Variants in ANO6 observed in about 807,000 individuals in gnomAD.
The protein encoded by ANO6 is anoctamin-6.
In ANO6, 106 loss-of-function variants were observed where a neutral mutation model predicts 117.5. That is an observed-to-expected ratio of 0.90 (90% CI 0.77 to 1.06). ANO6 has a LOEUF of 1.06. Among genes scored for constraint, ANO6 ranks in the 50% least tolerant of loss-of-function variants. ANO6 has a pLI of 0.00. For missense variants in ANO6, 955 were observed against 1,121.1 expected (o/e 0.85, Z 2.12); for synonymous variants, 367 against 385.1 (o/e 0.95, Z 0.55).
At chr12:45,290,582 T>C (rs1939062214) in intron 1 of ANO6, among the ~76,000 whole-genome samples, 1 of 152,160 alleles carries the variant, frequency 6.6e-6, no homozygotes, top group African/African-American at 2.4e-5. Context: ...GAAGCAATAG[T>C]AGTAGTGTTC....
At chr12:45,404,836 C>T (rs1228934521) in intron 15 of ANO6, among the ~76,000 whole-genome samples, 1 of 152,288 alleles carries the variant, frequency 6.6e-6, no homozygotes, top group South Asian at 2.1e-4. Context: ...CCATGTTGCC[C>T]TCTTGCCTCC....
intron 2 of ANO6, among the ~76,000 whole-genome samples, chr12:45,325,310 C>T (rs995231239): frequency 1.3e-5 from 2 of 152,120 alleles, no homozygotes; most frequent in African/African-American, 4.8e-5. Flanking sequence ...GATCATTATT[C>T]CTCAGGAGAC....
rs1943613851 is a variant in ANO6 at position 45,430,796 on chromosome 12, G to C, written c.*1485G>C. The C allele has an allele frequency of 4.1e-6, 4 of 985,360 alleles. No homozygotes were observed. Among genetic ancestry groups the C allele is most frequent in the Non-Finnish European group, 4.8e-6 (4 of 830,000 alleles). The allele number at this position is 985,360 out of a possible 1,614,324, so 61.0% of individuals were successfully genotyped here. A position where few individuals can be genotyped will look rare whatever the true frequency, so the allele number is the denominator to read the frequency against. On this transcript the variant is annotated 3_prime_UTR_variant, in exon 20 of 20. Transcript: ENST00000320560. ...TGCCTTGTAAGTGTCAGGCCTCCTG[G>C]GCGCTCTGGAAAAGACAGGGAGCCA...
In ANO6 at chr12:45,430,231, A is replaced by G. The variant is rs1943601094; in HGVS notation, c.*920A>G. On this transcript the variant is annotated 3_prime_UTR_variant, in exon 20 of 20. Coordinates refer to ENST00000320560, the MANE Select transcript of ANO6 (RefSeq NM_001025356.3). ...TTGTCTGGAAAAGATAAGCCCCTCA[A>G]TTTTCTACCAGTTGACTTTTATTCA... 2 of 985,394 alleles carry G rather than the reference A, an allele frequency of 2.0e-6. No homozygotes were observed. Among genetic ancestry groups the G allele is most frequent in the Non-Finnish European group, 1.2e-6 (1 of 829,918 alleles). The allele number at this position is 985,394 out of a possible 1,614,324, so 61.0% of individuals were successfully genotyped here. A position where few individuals can be genotyped will look rare whatever the true frequency, so the allele number is the denominator to read the frequency against.
rs113415310 is a variant in ANO6, at chr12:45,266,805, A to ATGT, written c.71-35209_71-35208insTGT. On this transcript the variant is annotated intron_variant, in intron 1 of 19. Transcript: ENST00000320560. The stretch of plus-strand genomic sequence containing the variant: ...GAACAAGACCCTGTCTCAAAAAACA[A>ATGT]GTGTGTGTGTGTGTGTGTGTGTGTG... Among the ~76,000 whole-genome samples the ATGT allele has an allele frequency of 1.7e-4, 25 of 145,766 alleles. 1 individual carries two copies. The South Asian group carries it at 5.6e-3, about 32-fold the overall frequency.
chr12:45,390,303 C>G (rs542751479), intron 11 of ANO6, 118 bp from the exon 12 acceptor site: 2 of 861,888 alleles, frequency 2.3e-6, no homozygotes, highest in South Asian at 2.8e-5. Context: ...AGTAAGGAGA[C>G]TATGCTTGCA....
At position 45,347,084 on chromosome 12, in the gene ANO6, A is replaced by T; in HGVS notation, c.342A>T (p.Arg114Ser). The T allele has an allele frequency of 6.2e-7, 1 of 1,614,010 alleles. No individual in the cohort carries two copies. The highest frequency in any genetic ancestry group is 8.5e-7 in the Non-Finnish European group (1 of 1,179,928). ...ATGGCCTGCAGTTAGAAGCAACAAG[A>T]TCAGTAAGTACTGGTCCCTTTTCAG... is the stretch of plus-strand genomic sequence containing the variant. ...ICHGLQLEATRSVLDDKLVFV... is the reference protein window; with the variant it reads ...ICHGLQLEATSSVLDDKLVFV... Residue 114 changes from arginine (R) to serine (S), a missense_variant, in exon 4 of 20, where the codon AGA (arginine) becomes AGT (serine). By Grantham distance (110) the Arg-to-Ser change is moderately radical. Coordinates refer to ENST00000320560, the MANE Select transcript of ANO6 (RefSeq NM_001025356.3).
At chr12:45,347,226 A>T (rs1941158714) in intron 4 of ANO6, 139 bp downstream of exon 4, 4 of 787,402 alleles carry the variant, frequency 5.1e-6, no homozygotes, top group African/African-American at 1.7e-5. Context: ...AGTCAATCAA[A>T]ATCTGCATTG....
intron 2 of ANO6, among the ~76,000 whole-genome samples, chr12:45,311,013 C>CT (rs940460127): frequency 1.3e-5 from 2 of 151,848 alleles, no homozygotes; most frequent in Non-Finnish European, 2.9e-5. Context: ...GAATACATTA[C>CT]TTTTTTTTCA....
intron 2 of ANO6, among the ~76,000 whole-genome samples, chr12:45,306,661 A>G (rs1939680012): frequency 6.6e-6 from 1 of 152,154 alleles, no homozygotes. Context: ...CCCAAGGAAG[A>G]GTTAAAATAT....
At chr12:45,226,671 C>T (rs1947486277) in intron 1 of ANO6, among the ~76,000 whole-genome samples, 1 of 151,996 alleles carries the variant, frequency 6.6e-6, no homozygotes, top group Admixed American at 6.6e-5. Context: ...TTTGGCTTTG[C>T]ACAAACAAAA....
In ANO6 at chr12:45,431,505, A is replaced by T. The variant is rs1476631932; in HGVS notation, c.*2194A>T. The T allele has an allele frequency of 5.7e-5, 56 of 985,312 alleles. No individual in the cohort carries two copies. Among genetic ancestry groups the T allele is most frequent in the Non-Finnish European group, 6.6e-5 (55 of 829,950 alleles). 61.0% of individuals were successfully genotyped at this position (985,312 alleles called of 1,614,324 possible). On this transcript the variant is annotated 3_prime_UTR_variant, in exon 20 of 20. Transcript: ENST00000320560. ...CCCCAGCAGAGAAAATCCTCTTCATAGATTAAATGTGCTGCTGTGGACAGG... is the reference window on the plus strand; with the variant it reads ...CCCCAGCAGAGAAAATCCTCTTCATTGATTAAATGTGCTGCTGTGGACAGG...
chr12:45,235,838 C>T (rs1377616095), intron 1 of ANO6, among the ~76,000 whole-genome samples: 1 of 152,214 alleles, frequency 6.6e-6, no homozygotes, highest in Non-Finnish European at 1.5e-5. Context: ...CTGTCTGTCT[C>T]TACATTTCTG....
At chr12:45,336,757 A>G (rs1940837468) in intron 3 of ANO6, among the ~76,000 whole-genome samples, 2 of 152,092 alleles carry the variant, frequency 1.3e-5, no homozygotes, top group Non-Finnish European at 2.9e-5. Flanking sequence ...ACTTTTTATC[A>G]TTATTTTAGA....
chr12:45,299,811 T>A (rs902985475), intron 1 of ANO6, among the ~76,000 whole-genome samples: 3 of 151,740 alleles, frequency 2.0e-5, no homozygotes, highest in Non-Finnish European at 4.4e-5. Context: ...CAGATTGCGC[T>A]ACTGCACTCC....
chr12:45,350,318 GTGGTGATT>G (rs1456057893), intron 6 of ANO6, among the ~76,000 whole-genome samples: 1 of 152,136 alleles, frequency 6.6e-6, no homozygotes, highest in Non-Finnish European at 1.5e-5. Context: ...TTCCTCTGGT[GTGGTGATT>G]TGGGCACTTG....
chr12:45,353,212 G>T (rs1941327885), intron 7 of ANO6, among the ~76,000 whole-genome samples: 1 of 152,014 alleles, frequency 6.6e-6, no homozygotes, highest in Non-Finnish European at 1.5e-5. Context: ...TTTCATAAGA[G>T]ATTTCATTAT....
intron 1 of ANO6, among the ~76,000 whole-genome samples, chr12:45,266,088 C>A (rs2137222859): frequency 6.6e-6 from 1 of 152,338 alleles, no homozygotes; most frequent in South Asian, 2.1e-4. Context: ...AAAAGTGATT[C>A]CACCTTCCTC....
intron 1 of ANO6, among the ~76,000 whole-genome samples, chr12:45,270,017 G>T (rs1292154098): frequency 6.6e-6 from 1 of 152,144 alleles, no homozygotes; most frequent in Non-Finnish European, 1.5e-5. Flanking sequence ...TTGGAATGCA[G>T]CCTCCACTGG....
Sources: allele counts gnomAD v4.1 joint callset (sites outside exome capture counted in the v4.1 genomes callset), GRCh38; gene constraint gnomAD v4.1.1; transcripts MANE v1.5; gene names NCBI Gene and HGNC (gene_info 2026-07-23, HGNC 2026-07-21).